Variants in GULP1 observed in about 807,000 individuals in gnomAD.
GULP1 encodes GULP PTB domain containing engulfment adaptor 1.
A neutral mutation model predicts 40.9 loss-of-function variants in GULP1; 19 were observed. The ratio of observed to expected loss-of-function variants is 0.46; its 90% confidence interval spans 0.32 to 0.68. The LOEUF is 0.68. Among genes scored for constraint, GULP1 ranks in the 30% least tolerant of loss-of-function variants. The probability of loss-of-function intolerance (pLI) is 0.03; values close to 1 mark genes in which losing one functional copy is unlikely to be tolerated. For missense variants in GULP1, 312 were observed against 362.2 expected, an observed-to-expected ratio of 0.86 and a Z score of 1.12; for synonymous variants, 119 against 117.6, an observed-to-expected ratio of 1.01 and a Z score of -0.08.
At chr2:188,298,742 C>G (rs1031513268) in intron 1 of GULP1, among the ~76,000 whole-genome samples, 5 of 151,998 alleles carry the variant, frequency 3.3e-5, no homozygotes, top group East Asian at 1.9e-4. Flanking sequence ...ATTAAGCAGA[C>G]TAGGAAATTC....
rs566330767 is a variant in GULP1, at chr2:188,515,694, C to T, written c.91-7062C>T. On this transcript the variant is annotated intron_variant, in intron 4 of 11. Coordinates refer to ENST00000409830, the MANE Select transcript of GULP1 (RefSeq NM_016315.4). ...AAATAGACATAGATACACATACACA[C>T]TTACACACACAGACACACACACACA... Among the ~76,000 whole-genome samples the T allele has an allele frequency of 2.5e-3, 364 of 146,118 alleles. 9 individuals carry two copies. In the Middle Eastern group the frequency reaches 0.028, roughly 11 times the overall value.
At chr2:188,463,523 CCTT>C (rs1231662303) in intron 2 of GULP1, among the ~76,000 whole-genome samples, 1 of 152,048 alleles carries the variant, frequency 6.6e-6, no homozygotes, top group East Asian at 1.9e-4. Context: ...TGTTCTATAA[CCTT>C]CTTTTACTTG....
chr2:188,434,151 A>G (rs1258458820), intron 2 of GULP1, among the ~76,000 whole-genome samples: 1 of 151,926 alleles, frequency 6.6e-6, no homozygotes, highest in Admixed American at 6.6e-5. Context: ...GCACCTTCAT[A>G]TTTCAGAGTT....
intron 7 of GULP1, among the ~76,000 whole-genome samples, chr2:188,561,982 T>A (rs759995112): frequency 9.8e-5 from 15 of 152,290 alleles, no homozygotes; most frequent in Middle Eastern, 3.4e-3. Flanking sequence ...CTACAGCCAA[T>A]GCCTTGCTTG....
chr2:188,457,930 T>G (rs2059398394), intron 2 of GULP1, among the ~76,000 whole-genome samples: 1 of 152,172 alleles, frequency 6.6e-6, no homozygotes, highest in Non-Finnish European at 1.5e-5. Flanking sequence ...TTTAACCTCC[T>G]TATATCTTCC....
At chr2:188,548,766 A>G (rs1466423170) in intron 7 of GULP1, among the ~76,000 whole-genome samples, 1 of 152,010 alleles carries the variant, frequency 6.6e-6, no homozygotes, top group African/African-American at 2.4e-5. Flanking sequence ...AAATTAACAC[A>G]CAGAAATATG....
intron 4 of GULP1, among the ~76,000 whole-genome samples, chr2:188,512,434 A>G (rs1011458922): frequency 3.9e-5 from 6 of 152,144 alleles, no homozygotes; most frequent in Non-Finnish European, 5.9e-5. Context: ...TGAATTTACT[A>G]TACATAAAAT....
chr2:188,302,118 G>A (rs1030447675), intron 1 of GULP1, among the ~76,000 whole-genome samples: 2 of 152,074 alleles, frequency 1.3e-5, no homozygotes, highest in South Asian at 2.1e-4. Context: ...AAACTTTACA[G>A]ACTACTTGGG....
intron 2 of GULP1, among the ~76,000 whole-genome samples, chr2:188,432,671 AT>A (rs763879980): frequency 2.6e-4 from 40 of 152,228 alleles, no homozygotes; most frequent in African/African-American, 8.2e-4. Flanking sequence ...TCAGAAAAAA[AT>A]GTATATTGAT....
At chr2:188,331,493 T>C (rs1185029792) in intron 1 of GULP1, among the ~76,000 whole-genome samples, 1 of 152,218 alleles carries the variant, frequency 6.6e-6, no homozygotes, top group Non-Finnish European at 1.5e-5. Flanking sequence ...AGCATTAAGT[T>C]GAATATTCCA....
In GULP1 at chr2:188,324,268, G is replaced by C. The variant is rs541578077; in HGVS notation, c.-172+32102G>C. Among the ~76,000 whole-genome samples the C allele has an allele frequency of 7.2e-5, 11 of 152,178 alleles. No homozygotes were observed. The South Asian group carries it at 2.3e-3, about 32-fold the overall frequency. ...TTTACTTAGGACTAAATGAGTAAAT[G>C]ACTGAATGTCAGCACTATTAATTAA... On this transcript the variant is annotated intron_variant, in intron 1 of 11. Coordinates refer to ENST00000409830, the MANE Select transcript of GULP1 (RefSeq NM_016315.4).
chr2:188,529,342 A>G (rs1686970705), intron 6 of GULP1, 147 bp downstream of exon 6: 4 of 504,512 alleles, frequency 7.9e-6, no homozygotes, highest in African/African-American at 6.1e-5. Flanking sequence ...TTTAGAAGTG[A>G]AAACAACTTT....
chr2:188,297,439 A>G, intron 1 of GULP1: 1 of 460,202 alleles, frequency 2.2e-6, no homozygotes, highest in Non-Finnish European at 4.5e-6. Context: ...TTTTCCTGGT[A>G]TGGTACAGCT....
At chr2:188,441,423 T>A (rs1311813875) in intron 2 of GULP1, among the ~76,000 whole-genome samples, 2 of 152,214 alleles carry the variant, frequency 1.3e-5, no homozygotes, top group Non-Finnish European at 2.9e-5. Context: ...ATTTTGGAGC[T>A]GAGATTTAAA....
At chr2:188,513,691 T>G (rs1034536564) in intron 4 of GULP1, among the ~76,000 whole-genome samples, 3 of 152,092 alleles carry the variant, frequency 2.0e-5, no homozygotes, top group African/African-American at 7.2e-5. Context: ...AAAACCTTGT[T>G]GCATTTTCCA....
intron 2 of GULP1, among the ~76,000 whole-genome samples, chr2:188,455,120 A>T (rs1165792780): frequency 2.6e-5 from 4 of 152,150 alleles, no homozygotes; most frequent in African/African-American, 9.7e-5. Context: ...AGACAGAGTG[A>T]GATCCTGTCT....
intron 4 of GULP1, among the ~76,000 whole-genome samples, chr2:188,510,708 A>G (rs1291838148): frequency 6.6e-6 from 1 of 152,128 alleles, no homozygotes; most frequent in African/African-American, 2.4e-5. Context: ...GTCTCATGTT[A>G]TATAAAAATC....
intron 7 of GULP1, among the ~76,000 whole-genome samples, chr2:188,550,704 GAGA>G (rs1018040462): frequency 6.6e-5 from 10 of 151,410 alleles, no homozygotes; most frequent in African/African-American, 2.4e-4. Context: ...GTCTGTCTGT[GAGA>G]AGGTGTTTAC....
At chr2:188,420,473 C>T (rs762173557) in intron 2 of GULP1, among the ~76,000 whole-genome samples, 8 of 152,100 alleles carry the variant, frequency 5.3e-5, no homozygotes. Context: ...AGGAGTGTTA[C>T]AGTTCTGCTG....
Sources: gnomAD v4.1 joint callset for allele counts (sites outside exome capture counted in the v4.1 genomes callset) on GRCh38, gnomAD v4.1.1 for gene constraint, MANE v1.5 for transcripts, NCBI Gene and HGNC (gene_info 2026-07-23, HGNC 2026-07-21) for gene names.